The following DAB1 variants were observed in gnomAD, a reference collection of about 807,000 sequenced individuals.
DAB1 encodes disabled homolog 1.
DAB1 carries 15 observed loss-of-function variants against 64.6 expected under a neutral mutation model. The ratio of observed to expected loss-of-function variants is 0.23; its 90% CI spans 0.16 to 0.36. The LOEUF is 0.36. Ranked by LOEUF, DAB1 falls within the 10% of genes least tolerant of loss-of-function variation. The probability of loss-of-function intolerance (pLI) is 1.00; values close to 1 mark genes in which losing one functional copy is unlikely to be tolerated. For missense variants in DAB1, 596 were observed against 706.7 expected (o/e 0.84, Z 1.78); for synonymous variants, 235 against 251.9 (o/e 0.93, Z 0.64).
intron 1 of DAB1, among the ~76,000 whole-genome samples, chr1:57,845,402 T>C (rs1400121034): frequency 6.6e-6 from 1 of 152,220 alleles, no homozygotes; most frequent in African/African-American, 2.4e-5. Context: ...TTCAGTCTTG[T>C]ATCCAATTTC....
intron 7 of DAB1, among the ~76,000 whole-genome samples, chr1:57,474,075 C>T (rs897662949): frequency 6.6e-6 from 1 of 152,152 alleles, no homozygotes; most frequent in African/African-American, 2.4e-5. Context: ...ACCACATTAA[C>T]AACATATTGA....
chr1:58,152,185 G>C (rs1557673211), intron 4 of DAB1, among the ~76,000 whole-genome samples: 1 of 152,084 alleles, frequency 6.6e-6, no homozygotes, highest in Non-Finnish European at 1.5e-5. Flanking sequence ...ACACGGAAAG[G>C]GAAATTCTCA....
At chr1:57,448,705 C>A (rs945346238) in intron 7 of DAB1, among the ~76,000 whole-genome samples, 1 of 151,894 alleles carries the variant, frequency 6.6e-6, no homozygotes, top group Non-Finnish European at 1.5e-5. Context: ...GAAATAAAAA[C>A]CAATATAGGA....
At chr1:57,074,742 C>T (rs1263242708) in intron 4 of DAB1, among the ~76,000 whole-genome samples, 1 of 152,136 alleles carries the variant, frequency 6.6e-6, no homozygotes, top group Admixed American at 6.5e-5. Context: ...TGCTCAGTTA[C>T]CCTAGTCCCT....
chr1:58,129,912 G>A (rs553131920), intron 5 of DAB1, among the ~76,000 whole-genome samples: 27,943 of 144,970 alleles, frequency 0.19, 2,806 homozygotes, highest in East Asian at 0.35. Context: ...GTGGTGTGGT[G>A]CTGAAAAAAA....
chr1:57,618,761 T>A (rs11811410), intron 7 of DAB1, among the ~76,000 whole-genome samples: 2,540 of 152,166 alleles, frequency 0.017, 79 homozygotes, highest in African/African-American at 0.058. Flanking sequence ...AGTTGCAGAA[T>A]CAGCATATAC....
chr1:57,880,633 A>T (rs1021735963), intron 1 of DAB1: 5 of 152,178 alleles, frequency 3.3e-5, no homozygotes, highest in Non-Finnish European at 7.3e-5. Flanking sequence ...TACCTCAGTT[A>T]TCGAATCGAA....
At chr1:58,172,953 A>G (rs1656259494) in intron 4 of DAB1, among the ~76,000 whole-genome samples, 1 of 152,362 alleles carries the variant, frequency 6.6e-6, no homozygotes, top group African/African-American at 2.4e-5. Context: ...AAATACCACA[A>G]GGAAATTATG....
chr1:58,230,217 T>C (rs1659711066), intron 4 of DAB1, among the ~76,000 whole-genome samples: 1 of 152,226 alleles, frequency 6.6e-6, no homozygotes, highest in Admixed American at 6.5e-5. Flanking sequence ...AGTCATCAGA[T>C]ATTCTCACTT....
At chr1:57,158,761 TA>T (rs1269042922) in intron 2 of DAB1, among the ~76,000 whole-genome samples, 3 of 145,172 alleles carry the variant, frequency 2.1e-5, no homozygotes, top group East Asian at 1.9e-4. Context: ...AAAACACACT[TA>T]GGGGGCTGTT....
intron 5 of DAB1, among the ~76,000 whole-genome samples, chr1:57,932,184 C>A (rs1488939164): frequency 6.6e-6 from 1 of 152,056 alleles, no homozygotes; most frequent in Non-Finnish European, 1.5e-5. Context: ...ATTCTGTGTT[C>A]TGAGAGCAGA....
At position 58,470,116 on chromosome 1, in the gene DAB1, C is replaced by CTTTATTTA. The variant is rs72061301; in HGVS notation, n.257+35936_257+35943dup. On this transcript the variant is annotated intron_variant and non_coding_transcript_variant, in intron 3 of 20. Transcript: ENST00000485760. ...CAAAACAGCAAAGCTGGGACTTTCT[C>CTTTATTTA]TTTATTTATTTATTTATTTATTTAT... 2.8e-3 allele frequency among the ~76,000 whole-genome samples: 401 copies of CTTTATTTA among 145,076 alleles called. 7 individuals carry two copies. The East Asian group carries it at 0.056, about 20-fold the overall frequency.
intron 7 of DAB1, among the ~76,000 whole-genome samples, chr1:57,472,579 G>T (rs971668563): frequency 1.3e-5 from 2 of 152,124 alleles, no homozygotes; most frequent in African/African-American, 4.8e-5. Flanking sequence ...ATCCTGTTTT[G>T]TTCCGATCTA....
chr1:57,152,125 C>A (rs1041925352), intron 2 of DAB1, among the ~76,000 whole-genome samples: 1 of 152,166 alleles, frequency 6.6e-6, no homozygotes, highest in Non-Finnish European at 1.5e-5. Context: ...CTTTTCTAAT[C>A]TTTAAAAGGG....
At chr1:57,373,462 GC>G (rs1476233127) in intron 1 of DAB1, among the ~76,000 whole-genome samples, 1 of 152,128 alleles carries the variant, frequency 6.6e-6, no homozygotes, top group East Asian at 1.9e-4. Context: ...TGCTTGTACA[GC>G]CCCCTACCTG....
At chr1:57,735,942 G>T (rs972208008) in intron 6 of DAB1, among the ~76,000 whole-genome samples, 8 of 151,952 alleles carry the variant, frequency 5.3e-5, no homozygotes, top group African/African-American at 1.7e-4. Context: ...AGCCTTTTTG[G>T]TTCTTAAATA....
chr1:58,463,911 G>C (rs1323291392), intron 3 of DAB1, among the ~76,000 whole-genome samples: 2 of 152,258 alleles, frequency 1.3e-5, no homozygotes, highest in Non-Finnish European at 2.9e-5. Flanking sequence ...CTCCAAGATT[G>C]TGGGTGAATG....
intron 4 of DAB1, among the ~76,000 whole-genome samples, chr1:58,228,302 A>C (rs913502657): frequency 2.0e-5 from 3 of 152,234 alleles, no homozygotes; most frequent in African/African-American, 7.2e-5. Flanking sequence ...TTAGGTAATA[A>C]ATGTGGAAAA....
At chr1:57,057,025 G>A (rs1428447032) in intron 9 of DAB1, among the ~76,000 whole-genome samples, 2 of 152,144 alleles carry the variant, frequency 1.3e-5, no homozygotes, top group African/African-American at 4.8e-5. Context: ...AGGATGAACA[G>A]AGGCTCATGG....
Sources: gnomAD v4.1 joint callset for allele counts (sites outside exome capture counted in the v4.1 genomes callset) on GRCh38, gnomAD v4.1.1 for gene constraint, MANE v1.5 for transcripts, NCBI Gene and HGNC (gene_info 2026-07-23, HGNC 2026-07-21) for gene names.